Variants in CEP162 observed in about 807,000 individuals in gnomAD.
The protein encoded by CEP162 is centrosomal protein 162.
CEP162 carries 141 observed loss-of-function variants against 169.2 expected under a neutral mutation model. That is an observed-to-expected ratio of 0.83 (90% CI 0.73 to 0.96). The LOEUF (loss-of-function observed/expected upper bound fraction) is 0.96, where lower values mean the gene tolerates loss of function less well. CEP162 is among the 40% of genes least tolerant of loss of function. The pLI is 0.00. For synonymous variants in CEP162, 540 were observed against 526.4 expected (o/e 1.03, Z -0.35); for missense variants, 1,600 against 1,587.2 (o/e 1.01, Z -0.14).
At chr6:84,207,635 G>C (rs2099547750) in intron 6 of CEP162, among the ~76,000 whole-genome samples, 1 of 151,964 alleles carries the variant, frequency 6.6e-6, no homozygotes, top group Non-Finnish European at 1.5e-5. Flanking sequence ...GTTAACGGGT[G>C]CAGCACACCA....
rs78654567 is a variant in CEP162, at chr6:84,125,129, G to A, written c.4153C>T (p.Arg1385Trp). The A allele has an allele frequency of 5.9e-5, 95 of 1,613,350 alleles. No individual in the cohort carries two copies. The highest frequency in any genetic ancestry group is 1.1e-4 in the East Asian group (5 of 44,862). Residue 1385 changes from arginine to tryptophan, a missense_variant, in exon 27 of 27, where the codon CGG becomes TGG. By Grantham distance (101) the Arg-to-Trp change is moderately radical. Transcript: ENST00000403245. ...SILDVLRELH[R>W]QGVVVPVAFA... Reference sequence around the variant, plus strand: ...GCAACTGGCACAACCACTCCTTGCCGGTGCAGCTCTCGGAGAACATCTAAT... The same window carrying A: ...GCAACTGGCACAACCACTCCTTGCCAGTGCAGCTCTCGGAGAACATCTAAT...
chr6:84,154,702 C>T (rs2099522468), intron 22 of CEP162, among the ~76,000 whole-genome samples: 1 of 152,146 alleles, frequency 6.6e-6, no homozygotes, highest in African/African-American at 2.4e-5. Flanking sequence ...TCCTGACAGA[C>T]ACGTGCTCAA....
chr6:84,153,287 T>A, intron 22 of CEP162, 108 bp from the exon 23 acceptor site: 1 of 978,634 alleles, frequency 1.0e-6, no homozygotes, highest in Non-Finnish European at 1.5e-6. Context: ...AGGTACTCAT[T>A]ATACATTCTG....
intron 25 of CEP162, among the ~76,000 whole-genome samples, chr6:84,140,538 T>G (rs2129192811): frequency 6.6e-6 from 1 of 151,322 alleles, no homozygotes; most frequent in East Asian, 1.9e-4. Flanking sequence ...TTTTGTTTGT[T>G]TTTCGTAGAG....
At chr6:84,126,258 A>T (rs1228484641) in intron 26 of CEP162, 120 bp downstream of exon 26, 2 of 611,570 alleles carry the variant, frequency 3.3e-6, no homozygotes, top group African/African-American at 3.8e-5. Flanking sequence ...TTTTAACAAG[A>T]TCAAAATACA....
chr6:84,149,529 C>T, intron 24 of CEP162, 33 bp downstream of exon 24: 2 of 1,514,664 alleles, frequency 1.3e-6, no homozygotes, highest in Non-Finnish European at 1.8e-6. Context: ...CGAGTTTATT[C>T]AAGTCAAAAG....
Position 84,174,793 on chromosome 6 carries a change from T to G in CEP162, c.1959A>C (p.Glu653Asp). 6.3e-7 allele frequency: 1 copy of G among 1,582,078 alleles called. No individual in the cohort carries two copies. Among genetic ancestry groups the G allele is most frequent in the South Asian group, 1.1e-5 (1 of 87,826 alleles). The change falls in exon 15 of 27, where the codon GAA (glutamate) becomes GAC (aspartate). Residue 653 changes from glutamate (E) to aspartate (D), a missense_variant. Physicochemically the swap from Glu to Asp is conservative, Grantham distance 45. Coordinates refer to ENST00000403245, the MANE Select transcript of CEP162 (RefSeq NM_014895.4). ...KEKELENKLE[E>D]LKKQQEKELF... ...GTTCTTTTTCCTGTTGTTTCTTTAG[T>G]TCTTCCAACTTATTTTCTAGTTCTT...
At chr6:84,131,107 T>C (rs2099511185) in intron 25 of CEP162, among the ~76,000 whole-genome samples, 1 of 152,234 alleles carries the variant, frequency 6.6e-6, no homozygotes, top group Admixed American at 6.5e-5. Flanking sequence ...CTTCATTTCA[T>C]TATTTATCCA....
At position 84,160,863 on chromosome 6, in the gene CEP162, G is replaced by A; in HGVS notation, c.2730C>T (p.Arg910=). The change falls in exon 21 of 27, where the codon CGC becomes CGT. Residue 910 remains arginine, a synonymous_variant. Transcript: ENST00000403245. The part of the protein sequence containing the change: ...SGNPSIRQKI[R]LKDKAADAKK... ...TGGCATCTGCTGCTTTATCTTTTAA[G>A]CGTATCTTCTGCCGAATAGATGGAT... The A allele has an allele frequency of 1.2e-5, 19 of 1,613,138 alleles. No homozygotes were observed. The highest frequency in any genetic ancestry group is 1.6e-5 in the Non-Finnish European group (19 of 1,179,502).
In CEP162 at chr6:84,223,307, T is replaced by G. The variant is rs539273828; in HGVS notation, c.58-2136A>C. Among the ~76,000 whole-genome samples, 452 of 151,530 alleles carry G rather than the reference T, an allele frequency of 3.0e-3. 2 individuals carry two copies. The highest frequency in any genetic ancestry group is 1.0e-2 in the African/African-American group (412 of 41,320). On this transcript the variant is annotated intron_variant, in intron 2 of 26. Coordinates refer to ENST00000403245, the MANE Select transcript of CEP162 (RefSeq NM_014895.4). The stretch of plus-strand genomic sequence containing the variant: ...CGAGGTCAGGAGTTTGAGACCAGCC[T>G]GACCAACATGGTGAAACCATGTCTC...
chr6:84,186,692 C>CGT (rs1419993914), intron 11 of CEP162, 69 bp from the exon 12 acceptor site: 3 of 1,284,556 alleles, frequency 2.3e-6, no homozygotes, highest in African/African-American at 1.5e-5. Flanking sequence ...GTAATAACCA[C>CGT]GTGTGTGTGT....
intron 11 of CEP162, among the ~76,000 whole-genome samples, chr6:84,189,939 ACT>A (rs1441476267): frequency 6.6e-6 from 1 of 151,416 alleles, no homozygotes; most frequent in Non-Finnish European, 1.5e-5. Flanking sequence ...ACCAATCGAC[ACT>A]CTGTATCTAG....
At chr6:84,184,640 C>T (rs778036521) in intron 13 of CEP162, among the ~76,000 whole-genome samples, 1 of 152,090 alleles carries the variant, frequency 6.6e-6, no homozygotes, top group Non-Finnish European at 1.5e-5. Context: ...GGTTCCTCCT[C>T]TTCTGCCTGA....
At chr6:84,184,567 T>G (rs1360963950) in intron 13 of CEP162, among the ~76,000 whole-genome samples, 1 of 152,126 alleles carries the variant, frequency 6.6e-6, no homozygotes, top group Non-Finnish European at 1.5e-5. Context: ...TAATATACTT[T>G]GTTGACTTGC....
intron 9 of CEP162, among the ~76,000 whole-genome samples, chr6:84,195,377 A>G (rs1434664030): frequency 6.6e-6 from 1 of 152,208 alleles, no homozygotes; most frequent in African/African-American, 2.4e-5. Flanking sequence ...AAACTAAAAA[A>G]TTCCTTTGAC....
At chr6:84,221,417 C>T (rs150105952) in intron 2 of CEP162, among the ~76,000 whole-genome samples, 252 of 152,134 alleles carry the variant, frequency 1.7e-3, no homozygotes, top group Non-Finnish European at 2.7e-3. Context: ...ACAACAAAGA[C>T]GTAAAACTTG....
Position 84,185,227 on chromosome 6 carries a change from G to A in CEP162, c.1623C>T (p.Asn541=), listed in dbSNP as rs763979931. 1 of 1,613,018 alleles carries A rather than the reference G, an allele frequency of 6.2e-7. No homozygotes were observed. Among genetic ancestry groups the A allele is most frequent in the Non-Finnish European group, 8.5e-7 (1 of 1,179,192 alleles). The change falls in exon 13 of 27, where the codon AAC becomes AAT. Residue 541 remains asparagine, a synonymous_variant. Transcript: ENST00000403245. ...KTSEDIIKSK[N]LRSISTSNQP... ...GATTGGAGGTAGAAATCGATCTCAA[G>A]TTTTTGCTTTTTATAATGTCCTCTG...
chr6:84,151,424 A>G (rs1228872593), intron 23 of CEP162, among the ~76,000 whole-genome samples: 1 of 152,074 alleles, frequency 6.6e-6, no homozygotes, highest in Admixed American at 6.6e-5. Context: ...AAATATAGAC[A>G]GGGAAGGGGA....
chr6:84,226,046 T>G (rs1420104480), intron 2 of CEP162, among the ~76,000 whole-genome samples: 6 of 130,216 alleles, frequency 4.6e-5, no homozygotes, highest in Admixed American at 3.7e-4. Context: ...GAGTTGTTTG[T>G]TTTTTTTTTT....
Sources: gnomAD v4.1 joint callset for allele counts (sites outside exome capture counted in the v4.1 genomes callset) on GRCh38, gnomAD v4.1.1 for gene constraint, MANE v1.5 for transcripts, NCBI Gene and HGNC (gene_info 2026-07-23, HGNC 2026-07-21) for gene names.